SBNO1: variants seen among roughly 807,000 people sequenced by gnomAD.
SBNO1 encodes the protein strawberry notch homolog 1.
Under a neutral mutation model 173.6 loss-of-function variants are expected in SBNO1, and 23 were observed. The ratio of observed to expected loss-of-function variants is 0.13; its 90% CI spans 0.10 to 0.19. The LOEUF (loss-of-function observed/expected upper bound fraction) is 0.19, where lower values mean the gene tolerates loss of function less well. Among genes scored for constraint, SBNO1 ranks in the 10% least tolerant of loss-of-function variants. The probability of loss-of-function intolerance (pLI) is 1.00; values close to 1 mark genes in which losing one functional copy is unlikely to be tolerated. For synonymous variants in SBNO1, 632 were observed against 571.5 expected (o/e 1.11, Z -1.51); for missense variants, 1,238 against 1,671.2 (o/e 0.74, Z 4.52).
chr12:123,299,357 G>A (rs1041064255), intron 30 of SBNO1, among the ~76,000 whole-genome samples: 2 of 150,548 alleles, frequency 1.3e-5, no homozygotes, highest in Non-Finnish European at 3.0e-5. Flanking sequence ...AACAGAGTGA[G>A]ACTCTGTCTC....
chr12:123,318,298 G>A (rs1869533441), intron 20 of SBNO1, among the ~76,000 whole-genome samples: 2 of 152,170 alleles, frequency 1.3e-5, no homozygotes, highest in South Asian at 4.1e-4. Context: ...AAATTAGCCA[G>A]GTGTGGTGGT....
intron 4 of SBNO1, among the ~76,000 whole-genome samples, chr12:123,342,998 T>C (rs1872734238): frequency 6.6e-6 from 1 of 152,160 alleles, no homozygotes; most frequent in Admixed American, 6.6e-5. Context: ...TCCCAGAACT[T>C]TGGGAGGCCG....
In SBNO1 at chr12:123,328,869, T is replaced by A; in HGVS notation, c.1161A>T (p.Lys387Asn). Reference protein sequence around the residue: ...NKFKYGKISSKHNGSVKKGVI... With the variant: ...NKFKYGKISSNHNGSVKKGVI... ...CACCCTTTTTCACACTCCCATTATGTTTGGAAGAAATTTTTCCGTATTTAA... is the reference window on the plus strand; with the variant it reads ...CACCCTTTTTCACACTCCCATTATGATTGGAAGAAATTTTTCCGTATTTAA... The change falls in exon 10 of 32, where the codon AAA becomes AAT. Residue 387 changes from lysine (K) to asparagine (N), a missense_variant. Lys to Asn is a moderately conservative substitution (Grantham distance 94). This residue lies in a region of SBNO1 where 56 missense variants were observed against 65.1 expected (regional missense o/e 0.86). Coordinates refer to ENST00000602398, the MANE Select transcript of SBNO1 (RefSeq NM_001167856.3). The A allele has an allele frequency of 1.3e-6, 2 of 1,574,908 alleles. No homozygotes were observed. Among genetic ancestry groups the A allele is most frequent in the Non-Finnish European group, 1.7e-6 (2 of 1,158,174 alleles).
At chr12:123,315,481 AC>A (rs1487249789) in intron 22 of SBNO1, 37 bp from the exon 23 acceptor site, 14 of 1,593,936 alleles carry the variant, frequency 8.8e-6, no homozygotes, top group Non-Finnish European at 1.2e-5. Flanking sequence ...GGCACAGGTA[AC>A]CTTTTACCAG....
rs1293145285 is a variant in SBNO1 at position 123,309,735 on chromosome 12, A to G, written c.3417T>C (p.Asn1139=). 2 of 1,610,124 alleles carry G rather than the reference A, an allele frequency of 1.2e-6. No individual in the cohort carries two copies. Among genetic ancestry groups the G allele is most frequent in the East Asian group, 2.2e-5 (1 of 44,846 alleles). The change falls in exon 26 of 32, where the codon AAT becomes AAC. Residue 1139 remains asparagine, a synonymous_variant. Coordinates refer to ENST00000602398, the MANE Select transcript of SBNO1 (RefSeq NM_001167856.3). Reference sequence around the variant, plus strand: ...CTAAGATTCCCATATCATATCTTCCATTTTTTTTGGCATTTTGAACAACTG... The same window carrying G: ...CTAAGATTCCCATATCATATCTTCCGTTTTTTTTGGCATTTTGAACAACTG... ...LTAVVQNAKK[N]GRYDMGILDL...
At chr12:123,340,429 A>G (rs1370197409) in intron 5 of SBNO1, among the ~76,000 whole-genome samples, 1 of 151,926 alleles carries the variant, frequency 6.6e-6, no homozygotes, top group African/African-American at 2.4e-5. Context: ...AAAAATACAA[A>G]AATTAGCCAA....
At chr12:123,315,140 G>A (rs1869126559) in intron 23 of SBNO1, among the ~76,000 whole-genome samples, 1 of 152,126 alleles carries the variant, frequency 6.6e-6, no homozygotes, top group Non-Finnish European at 1.5e-5. Flanking sequence ...AGTTAATTCA[G>A]TCTCATTTAT....
intron 8 of SBNO1, among the ~76,000 whole-genome samples, chr12:123,330,816 T>C (rs937614815): frequency 1.3e-5 from 2 of 151,948 alleles, no homozygotes; most frequent in African/African-American, 4.8e-5. Flanking sequence ...TAGTCCCAGC[T>C]ACTCAAGAGG....
At position 123,293,245 on chromosome 12, in the gene SBNO1, G is replaced by C. The variant is rs994307897; in HGVS notation, c.*2663C>G. 1 of 152,104 alleles carries C rather than the reference G, an allele frequency of 6.6e-6. No individual in the cohort carries two copies. The highest frequency in any genetic ancestry group is 1.5e-5 in the Non-Finnish European group (1 of 68,034). The allele number at this position is 152,104 out of a possible 1,614,324, so 9.4% of individuals were successfully genotyped here. On this transcript the variant is annotated 3_prime_UTR_variant, in exon 32 of 32. Transcript: ENST00000602398. ...AGCGGCAAATTTTTTGTATTTTTTGGTACAGATGGGGTTTTGCCATGTGGA... is the reference window on the plus strand; with the variant it reads ...AGCGGCAAATTTTTTGTATTTTTTGCTACAGATGGGGTTTTGCCATGTGGA...
At chr12:123,360,694 C>G (rs565545646) in intron 1 of SBNO1, among the ~76,000 whole-genome samples, 3 of 151,960 alleles carry the variant, frequency 2.0e-5, no homozygotes, top group African/African-American at 7.2e-5. Context: ...CCACCAGCCT[C>G]GGCCCCCTCA....
chr12:123,326,104 T>C, intron 14 of SBNO1, 48 bp downstream of exon 14: 1 of 1,271,724 alleles, frequency 7.9e-7, no homozygotes, highest in Non-Finnish European at 1.0e-6. Context: ...CCACAAAGAC[T>C]AAACAACATA....
intron 1 of SBNO1, among the ~76,000 whole-genome samples, chr12:123,357,869 T>C (rs939133120): frequency 3.3e-5 from 5 of 152,208 alleles, no homozygotes; most frequent in African/African-American, 7.2e-5. Flanking sequence ...GAAGAAGATA[T>C]TTACAAAGGA....
intron 4 of SBNO1, among the ~76,000 whole-genome samples, chr12:123,341,708 A>G (rs545490822): frequency 6.6e-6 from 1 of 151,648 alleles, no homozygotes; most frequent in African/African-American, 2.4e-5. Flanking sequence ...TTTTTTTTTA[A>G]GTAAAAACGG....
intron 1 of SBNO1, among the ~76,000 whole-genome samples, chr12:123,360,121 G>T (rs1381304670): frequency 6.6e-6 from 1 of 151,754 alleles, no homozygotes; most frequent in Non-Finnish European, 1.5e-5. Context: ...GTGGGCGCCT[G>T]TTAATCCCAG....
At chr12:123,325,074 G>A (rs1279702271) in intron 15 of SBNO1, among the ~76,000 whole-genome samples, 4 of 152,136 alleles carry the variant, frequency 2.6e-5, no homozygotes, top group Non-Finnish European at 4.4e-5. Flanking sequence ...GCCTCCCAAA[G>A]TGCTGAGATT....
At chr12:123,344,056 C>T (rs1252726424) in intron 4 of SBNO1, among the ~76,000 whole-genome samples, 5 of 152,178 alleles carry the variant, frequency 3.3e-5, no homozygotes, top group Admixed American at 2.0e-4. Context: ...TGGCATACAT[C>T]CACTCCTTTA....
intron 28 of SBNO1, among the ~76,000 whole-genome samples, chr12:123,307,020 T>TA (rs34105162): frequency 0.6 from 38,294 of 64,336 alleles, 13,031 homozygotes; most frequent in East Asian, 0.8. Flanking sequence ...TCAACTGCAT[T>TA]AAAAAAAAAA....
rs2138848194 is a variant in SBNO1, at chr12:123,291,214, C to A, written c.*4694G>T. ...GCATAGGCCCGACTTCTTAAATAAA[C>A]ATAGGGAATTTGCTGCAGCAGCAGG... is the stretch of plus-strand genomic sequence containing the variant. On this transcript the variant is annotated 3_prime_UTR_variant, in exon 32 of 32. Coordinates refer to ENST00000602398, the MANE Select transcript of SBNO1 (RefSeq NM_001167856.3). 1 of 152,260 alleles carries A rather than the reference C, an allele frequency of 6.6e-6. No homozygotes were observed. Among genetic ancestry groups the A allele is most frequent in the South Asian group, 2.1e-4 (1 of 4,826 alleles). The allele number at this position is 152,260 out of a possible 1,614,324, so 9.4% of individuals were successfully genotyped here. A position where few individuals can be genotyped will look rare whatever the true frequency, so the allele number is the denominator to read the frequency against.
rs1432005438 is a variant in SBNO1 at position 123,343,282 on chromosome 12, G to C, written c.550+1976C>G. 3.3e-5 allele frequency among the ~76,000 whole-genome samples: 5 copies of C among 152,094 alleles called. No individual in the cohort carries two copies. The East Asian group carries it at 7.7e-4, about 23-fold the overall frequency. ...AAGTATTAACTAAACAAGGAAACTA[G>C]AACAGAGATGATATTTGGGGGCATG... is the stretch of plus-strand genomic sequence containing the variant. On this transcript the variant is annotated intron_variant, in intron 4 of 31. Coordinates refer to ENST00000602398, the MANE Select transcript of SBNO1 (RefSeq NM_001167856.3).
Sources: gnomAD v4.1 joint callset for allele counts (sites outside exome capture counted in the v4.1 genomes callset) on GRCh38, gnomAD v4.1.1 for gene constraint, gnomAD v4.1.1 regional missense constraint, MANE v1.5 for transcripts, NCBI Gene and HGNC (gene_info 2026-07-23, HGNC 2026-07-21) for gene names.